The following SEC14L5 variants were observed in gnomAD, a reference collection of about 807,000 sequenced individuals.
SEC14L5 encodes SEC14-like protein 5.
Under a neutral mutation model 84.6 loss-of-function variants are expected in SEC14L5, and 96 were observed. The ratio of observed to expected loss-of-function variants is 1.13; its 90% confidence interval spans 0.96 to 1.34. The LOEUF is 1.34. Among genes scored for constraint, SEC14L5 ranks in the 40% most tolerant of loss-of-function variants. SEC14L5 has a pLI of 0.00. For synonymous variants in SEC14L5, 546 were observed against 383.4 expected, an observed-to-expected ratio of 1.42 and a Z score of -4.95; for missense variants, 1,224 against 942.5, an observed-to-expected ratio of 1.30 and a Z score of -3.91.
chr16:4,995,922 A>G (rs1277285377), intron 6 of SEC14L5, among the ~76,000 whole-genome samples: 8 of 152,124 alleles, frequency 5.3e-5, no homozygotes. Flanking sequence ...CACCACTCAC[A>G]GCAGTTTTAT....
At chr16:4,984,204 C>T (rs1350846200) in intron 2 of SEC14L5, among the ~76,000 whole-genome samples, 1 of 152,196 alleles carries the variant, frequency 6.6e-6, no homozygotes, top group Non-Finnish European at 1.5e-5. Flanking sequence ...CCTCACCACT[C>T]CTGGTCCCTG....
chr16:4,994,164 G>A (rs893000702), intron 6 of SEC14L5, among the ~76,000 whole-genome samples: 1 of 152,034 alleles, frequency 6.6e-6, no homozygotes, highest in Non-Finnish European at 1.5e-5. Flanking sequence ...GATACAAATT[G>A]TATGTACACC....
chr16:4,980,758 G>T (rs1277307763), intron 2 of SEC14L5, among the ~76,000 whole-genome samples: 1 of 152,148 alleles, frequency 6.6e-6, no homozygotes, highest in Non-Finnish European at 1.5e-5. Flanking sequence ...TCGTGCCTAG[G>T]AGGGGGAAGG....
chr16:4,983,157 C>T (rs1432106947), intron 2 of SEC14L5, among the ~76,000 whole-genome samples: 1 of 151,916 alleles, frequency 6.6e-6, no homozygotes, highest in African/African-American at 2.4e-5. Context: ...CATGTGCCAC[C>T]ATGCCCAGCT....
intron 2 of SEC14L5, among the ~76,000 whole-genome samples, chr16:4,975,129 G>A (rs936800792): frequency 6.6e-6 from 1 of 151,972 alleles, no homozygotes; most frequent in Non-Finnish European, 1.5e-5. Flanking sequence ...ATGATATTTG[G>A]TTTTCCATTC....
At position 4,987,637 on chromosome 16, in the gene SEC14L5, G is replaced by C; in HGVS notation, c.144G>C (p.Pro48=). The change falls in exon 3 of 16, where the codon CCG becomes CCC. Residue 48 remains proline (P), a synonymous_variant. Coordinates refer to ENST00000251170, the MANE Select transcript of SEC14L5 (RefSeq NM_014692.2). ...GSEVLRESRS[P]DGAVHVVERS... ...AGGTCTTGCGCGAGTCCCGCAGCCC[G>C]GACGGGGCTGTGCACGTGGTGGAGC... is the stretch of plus-strand genomic sequence containing the variant. The C allele has an allele frequency of 1.3e-6, 2 of 1,555,440 alleles. No homozygotes were observed. Among genetic ancestry groups the C allele is most frequent in the Non-Finnish European group, 1.7e-6 (2 of 1,150,984 alleles).
intron 2 of SEC14L5, among the ~76,000 whole-genome samples, chr16:4,978,095 C>G (rs1045350463): frequency 1.5e-4 from 22 of 146,384 alleles, no homozygotes; most frequent in African/African-American, 5.5e-4. Context: ...AGCCACTGTG[C>G]ACAGCCTTTA....
At chr16:5,014,379 G>T (rs1285926486) in intron 15 of SEC14L5, among the ~76,000 whole-genome samples, 1 of 152,184 alleles carries the variant, frequency 6.6e-6, no homozygotes, top group East Asian at 1.9e-4. Flanking sequence ...TGAGAGCCCC[G>T]TCTCTATACA....
At chr16:4,989,240 T>G (rs371047097) in intron 4 of SEC14L5, among the ~76,000 whole-genome samples, 1 of 152,110 alleles carries the variant, frequency 6.6e-6, no homozygotes. Context: ...AGATCCTGCC[T>G]TGCTGGATCG....
intron 11 of SEC14L5, 127 bp downstream of exon 11, chr16:5,003,700 C>G (rs1482210712): frequency 3.1e-6 from 2 of 646,220 alleles, no homozygotes; most frequent in Admixed American, 6.1e-5. Flanking sequence ...AGATGAAACT[C>G]ACATAGCATA....
chr16:5,006,022 C>G lies in SEC14L5; in HGVS notation c.1411C>G (p.Pro471Ala), dbSNP rs765141400. ...GGACTATCTGGATAGAGAAGTGATC[C>G]CTGACTTCCTTGGGGGAGAGAGTGT... Reference protein sequence around the residue: ...LVDYLDREVIPDFLGGESVCN... With the variant: ...LVDYLDREVIADFLGGESVCN... Residue 471 changes from proline to alanine, a missense_variant, in exon 12 of 16, where the codon CCT becomes GCT. By Grantham distance (27) the Pro-to-Ala change is conservative. Coordinates refer to ENST00000251170, the MANE Select transcript of SEC14L5 (RefSeq NM_014692.2). 1 of 1,613,866 alleles carries G rather than the reference C, an allele frequency of 6.2e-7. No homozygotes were observed. The highest frequency in any genetic ancestry group is 8.5e-7 in the Non-Finnish European group (1 of 1,179,826).
At position 4,959,269 on chromosome 16, in the gene SEC14L5, C is replaced by G; in HGVS notation, c.-51-4C>G. The G allele has an allele frequency of 7.0e-7, 1 of 1,432,164 alleles. No homozygotes were observed. The allele number at this position is 1,432,164 out of a possible 1,614,324, so 88.7% of individuals were successfully genotyped here. On this transcript the variant is annotated splice_region_variant and splice_polypyrimidine_tract_variant and intron_variant, in intron 1 of 15. Transcript: ENST00000251170. The stretch of plus-strand genomic sequence containing the variant: ...GCAACCTCACCAGTCACTCCTCGCC[C>G]CAGGCTCTGTGCACACCCCTGCCTG...
chr16:5,012,008 A>T (rs1250031098), intron 15 of SEC14L5, among the ~76,000 whole-genome samples: 2 of 152,158 alleles, frequency 1.3e-5, no homozygotes, highest in African/African-American at 2.4e-5. Context: ...TGATGCTTTA[A>T]ATTCTTTCCC....
chr16:5,015,263 C>A lies in SEC14L5; in HGVS notation c.*293C>A. The A allele has an allele frequency of 8.4e-6, 3 of 356,364 alleles. No homozygotes were observed. In the South Asian group the frequency reaches 1.7e-4, roughly 21 times the overall value. The allele number at this position is 356,364 out of a possible 1,614,324, so 22.1% of individuals were successfully genotyped here. A position where few individuals can be genotyped will look rare whatever the true frequency, so the allele number is the denominator to read the frequency against. ...ACACCTTTGGGACATCCGGGCTTAGCGACGTCAGCCAGGCCCATCTCCTCT... is the reference window on the plus strand; with the variant it reads ...ACACCTTTGGGACATCCGGGCTTAGAGACGTCAGCCAGGCCCATCTCCTCT... On this transcript the variant is annotated 3_prime_UTR_variant, in exon 16 of 16. Coordinates refer to ENST00000251170, the MANE Select transcript of SEC14L5 (RefSeq NM_014692.2).
intron 2 of SEC14L5, among the ~76,000 whole-genome samples, chr16:4,970,994 G>C (rs985035213): frequency 1.2e-4 from 18 of 151,984 alleles, no homozygotes; most frequent in Non-Finnish European, 4.4e-5. Context: ...TGTAGTCCCA[G>C]CTACGCGGGG....
chr16:4,962,490 C>T (rs1336915311), intron 2 of SEC14L5, among the ~76,000 whole-genome samples: 7 of 152,046 alleles, frequency 4.6e-5, no homozygotes, highest in African/African-American at 7.2e-5. Context: ...GAGTTCGAGA[C>T]GAGCTTGGCC....
chr16:4,972,509 C>A (rs1275064080), intron 2 of SEC14L5, among the ~76,000 whole-genome samples: 1 of 152,172 alleles, frequency 6.6e-6, no homozygotes, highest in Admixed American at 6.6e-5. Context: ...CCCACTGCTG[C>A]TATTAACCAC....
chr16:4,986,133 C>T (rs1221974850), intron 2 of SEC14L5, among the ~76,000 whole-genome samples: 1 of 150,706 alleles, frequency 6.6e-6, no homozygotes, highest in Non-Finnish European at 1.5e-5. Context: ...GTTATGTCTT[C>T]TTCTTCTTCT....
At chr16:4,964,755 C>T (rs958646682) in intron 2 of SEC14L5, among the ~76,000 whole-genome samples, 3 of 150,808 alleles carry the variant, frequency 2.0e-5, no homozygotes, top group Admixed American at 6.6e-5. Flanking sequence ...TTTTTCGATA[C>T]GGGGTCTCAC....
Sources: allele counts gnomAD v4.1 joint callset (sites outside exome capture counted in the v4.1 genomes callset), GRCh38; gene constraint gnomAD v4.1.1; transcripts MANE v1.5; gene names NCBI Gene and HGNC (gene_info 2026-07-23, HGNC 2026-07-21).